The following HTR4 variants were observed in gnomAD, a reference collection of about 807,000 sequenced individuals.
The protein encoded by HTR4 is 5-hydroxytryptamine receptor 4.
Under a neutral mutation model 36.8 loss-of-function variants are expected in HTR4, and 16 were observed. That is an observed-to-expected ratio of 0.43 (90% CI 0.29 to 0.66). The LOEUF (loss-of-function observed/expected upper bound fraction) is 0.66, where lower values mean the gene tolerates loss of function less well. HTR4 is among the 30% of genes least tolerant of loss of function. The pLI is 0.13. For missense variants in HTR4, 438 were observed against 490.9 expected, an observed-to-expected ratio of 0.89 and a Z score of 1.02; for synonymous variants, 189 against 185.1, an observed-to-expected ratio of 1.02 and a Z score of -0.17.
intron 2 of HTR4, among the ~76,000 whole-genome samples, chr5:148,596,446 T>A (rs759107173): frequency 1.2e-4 from 18 of 152,162 alleles, no homozygotes; most frequent in Non-Finnish European, 2.5e-4. Context: ...TTAACTCACC[T>A]CAAGCAACTT....
At chr5:148,451,430 A>G (rs1247204325) in intron 5 of HTR4, among the ~76,000 whole-genome samples, 1 of 152,118 alleles carries the variant, frequency 6.6e-6, no homozygotes, top group Non-Finnish European at 1.5e-5. Flanking sequence ...ATAGAGATAG[A>G]AAACCAAATG....
intron 1 of HTR4, among the ~76,000 whole-genome samples, chr5:148,637,277 G>A (rs1753579009): frequency 6.6e-6 from 1 of 152,158 alleles, no homozygotes; most frequent in Admixed American, 6.5e-5. Flanking sequence ...TGATCGCTTT[G>A]TGATTAAAAC....
chr5:148,573,055 G>T (rs934898749), intron 2 of HTR4, among the ~76,000 whole-genome samples: 1 of 152,082 alleles, frequency 6.6e-6, no homozygotes, highest in Admixed American at 6.6e-5. Context: ...AGACCAAACA[G>T]CTCAGAGGTT....
At chr5:148,524,022 G>A (rs1758146641) in intron 4 of HTR4, among the ~76,000 whole-genome samples, 2 of 151,808 alleles carry the variant, frequency 1.3e-5, no homozygotes, top group African/African-American at 4.8e-5. Flanking sequence ...GTGGTTCAAG[G>A]ATTCCCCTCC....
In HTR4 at chr5:148,654,152, G is replaced by A. The variant is rs1281540487; in HGVS notation, c.-138C>T. The A allele has an allele frequency of 2.0e-6, 2 of 985,606 alleles. No homozygotes were observed. Among genetic ancestry groups the A allele is most frequent in the South Asian group, 4.7e-5 (1 of 21,480 alleles). 61.1% of individuals were successfully genotyped at this position (985,606 alleles called of 1,614,324 possible). A position where few individuals can be genotyped will look rare whatever the true frequency, so the allele number is the denominator to read the frequency against. On this transcript the variant is annotated 5_prime_UTR_variant, in exon 1 of 7. Coordinates refer to ENST00000377888, the MANE Select transcript of HTR4 (RefSeq NM_000870.7). Reference sequence around the variant, plus strand: ...CCGAGCTTCTGCTGCCGCCGCTGCCGCTGCGCTCCCAGCCGCTGCCTGCGC... The same window carrying A: ...CCGAGCTTCTGCTGCCGCCGCTGCCACTGCGCTCCCAGCCGCTGCCTGCGC...
chr5:148,476,294 T>G, downstream of HTR4, among the ~76,000 whole-genome samples: 1 of 152,214 alleles, frequency 6.6e-6, no homozygotes, highest in East Asian at 1.9e-4. Flanking sequence ...CTCACAAAAC[T>G]TCAGTCCGCT....
At chr5:148,630,711 T>C (rs1332044368) in intron 2 of HTR4, among the ~76,000 whole-genome samples, 1 of 152,154 alleles carries the variant, frequency 6.6e-6, no homozygotes, top group Admixed American at 6.6e-5. Context: ...TCGTGATGAC[T>C]AAAGACACAT....
At position 148,481,752 on chromosome 5, in the gene HTR4, A is replaced by T. The variant is rs1049261760; in HGVS notation, c.*1451T>A. The T allele has an allele frequency of 2.1e-6, 3 of 1,428,784 alleles. No individual in the cohort carries two copies. In the African/African-American group the frequency reaches 4.3e-5, roughly 21 times the overall value. 88.5% of individuals were successfully genotyped at this position (1,428,784 alleles called of 1,614,324 possible). On this transcript the variant is annotated 3_prime_UTR_variant, in exon 7 of 7. Coordinates refer to ENST00000377888, the MANE Select transcript of HTR4 (RefSeq NM_000870.7). Reference sequence around the variant, plus strand: ...GCCAAGATCAAAGTCAGAATCTCACATGGCTCTGGGTTTGGCATTTACCTT... The same window carrying T: ...GCCAAGATCAAAGTCAGAATCTCACTTGGCTCTGGGTTTGGCATTTACCTT...
chr5:148,579,048 C>A (rs1581502081), intron 2 of HTR4, among the ~76,000 whole-genome samples: 1 of 152,174 alleles, frequency 6.6e-6, no homozygotes, highest in East Asian at 1.9e-4. Context: ...TTCTATTTGT[C>A]CAAATTCCAG....
chr5:148,457,932 T>A lies in HTR4; in HGVS notation c.1077-6660A>T, dbSNP rs1024627970. ...ATATTTAATATATCATTAAAATATA[T>A]TATATTTTAAGATATATTAAATATA... is the stretch of plus-strand genomic sequence containing the variant. On this transcript the variant is annotated intron_variant, in intron 5 of 5. Coordinates refer to the HTR4 transcript ENST00000521530. Among the ~76,000 whole-genome samples, 64 of 130,602 alleles carry A rather than the reference T, an allele frequency of 4.9e-4. No homozygotes were observed. The South Asian group carries it at 6.9e-3, about 14-fold the overall frequency. The allele number at this position is 130,602 out of a possible 152,430, so 85.7% of individuals were successfully genotyped here.
intron 2 of HTR4, among the ~76,000 whole-genome samples, chr5:148,555,631 T>C (rs1467200029): frequency 6.6e-6 from 1 of 152,178 alleles, no homozygotes; most frequent in Non-Finnish European, 1.5e-5. Flanking sequence ...ACAGCTTTCA[T>C]CTGGCTGAAG....
rs1753852049 is a variant in HTR4 at position 148,645,438 on chromosome 5, CA to C, written c.-47-8378del. 8 of 152,194 alleles carry C rather than the reference CA, an allele frequency of 5.3e-5. No homozygotes were observed. The South Asian group carries it at 1.5e-3, about 28-fold the overall frequency. The allele number at this position is 152,194 out of a possible 1,614,324, so 9.4% of individuals were successfully genotyped here. Reference sequence around the variant, plus strand: ...TTATTCTCCTTTTGATTTTCTTGAACAATTAAAAAATGTAAACATCTTTTTT... The same window carrying C: ...TTATTCTCCTTTTGATTTTCTTGAACATTAAAAAATGTAAACATCTTTTTT... On this transcript the variant is annotated intron_variant, in intron 1 of 6. Coordinates refer to ENST00000377888, the MANE Select transcript of HTR4 (RefSeq NM_000870.7).
intron 4 of HTR4, among the ~76,000 whole-genome samples, chr5:148,545,694 G>C (rs1759354749): frequency 6.6e-6 from 1 of 152,190 alleles, no homozygotes; most frequent in African/African-American, 2.4e-5. Context: ...GAGAGCCCTG[G>C]AGAACTAGAA....
intron 6 of HTR4, among the ~76,000 whole-genome samples, chr5:148,489,182 A>G (rs974789807): frequency 2.6e-5 from 4 of 152,236 alleles, no homozygotes; most frequent in African/African-American, 7.2e-5. Flanking sequence ...TTATGTGTCA[A>G]CTACTGTGCT....
intron 5 of HTR4, among the ~76,000 whole-genome samples, chr5:148,517,255 C>A (rs562997486): frequency 3.2e-4 from 48 of 152,274 alleles, no homozygotes; most frequent in African/African-American, 1.0e-3. Context: ...TTCCAACTGT[C>A]CTTTACTGCC....
At chr5:148,580,502 C>T (rs891980118) in intron 2 of HTR4, among the ~76,000 whole-genome samples, 5 of 152,018 alleles carry the variant, frequency 3.3e-5, no homozygotes, top group African/African-American at 4.8e-5. Context: ...AGAACTTACT[C>T]ATCTTGTATA....
chr5:148,479,391 G>A (rs1364034765), downstream of HTR4, among the ~76,000 whole-genome samples: 1 of 152,010 alleles, frequency 6.6e-6, no homozygotes, highest in East Asian at 1.9e-4. Context: ...TGAGGCATGG[G>A]AGTTGACTTT....
At chr5:148,540,755 G>C (rs995409256) in intron 4 of HTR4, among the ~76,000 whole-genome samples, 1 of 151,892 alleles carries the variant, frequency 6.6e-6, no homozygotes, top group Admixed American at 6.6e-5. Context: ...AAAGGGGTGA[G>C]GGAGAGACAA....
intron 2 of HTR4, among the ~76,000 whole-genome samples, chr5:148,615,707 A>G (rs1289828000): frequency 8.5e-6 from 1 of 117,194 alleles, no homozygotes; most frequent in Non-Finnish European, 1.9e-5. Flanking sequence ...AAAGAAAGAA[A>G]GAAATAAAAT....
Sources: allele counts gnomAD v4.1 joint callset (sites outside exome capture counted in the v4.1 genomes callset), GRCh38; gene constraint gnomAD v4.1.1; transcripts MANE v1.5; gene names NCBI Gene and HGNC (gene_info 2026-07-23, HGNC 2026-07-21).